The following DAG1 variants were observed in gnomAD, a reference collection of about 807,000 sequenced individuals.
The protein encoded by DAG1 is dystroglycan 1 (dystrophin-associated glycoprotein 1).
Under a neutral mutation model 46.1 loss-of-function variants are expected in DAG1, and 8 were observed. That is an observed-to-expected ratio of 0.17 (90% CI 0.10 to 0.31). The LOEUF (loss-of-function observed/expected upper bound fraction) is 0.31, where lower values mean the gene tolerates loss of function less well. Among genes scored for constraint, DAG1 ranks in the 10% least tolerant of loss-of-function variants. The probability of loss-of-function intolerance (pLI) is 1.00; values close to 1 mark genes in which losing one functional copy is unlikely to be tolerated. For missense variants in DAG1, 1,003 were observed against 1,189.9 expected, an observed-to-expected ratio of 0.84 and a Z score of 2.31; for synonymous variants, 495 against 481.8, an observed-to-expected ratio of 1.03 and a Z score of -0.36.
intron 1 of DAG1, among the ~76,000 whole-genome samples, chr3:49,502,167 A>G (rs547655707): frequency 6.6e-6 from 1 of 152,250 alleles, no homozygotes; most frequent in South Asian, 2.1e-4. Flanking sequence ...CAAAACAAAA[A>G]CTACACAGAA....
intron 1 of DAG1, among the ~76,000 whole-genome samples, chr3:49,502,600 A>G (rs565060955): frequency 6.6e-6 from 1 of 152,148 alleles, no homozygotes; most frequent in South Asian, 2.1e-4. Context: ...GAATCAATCA[A>G]ACTATATCGT....
chr3:49,469,662 G>A (rs1263682683), upstream of DAG1, among the ~76,000 whole-genome samples: 2 of 152,210 alleles, frequency 1.3e-5, no homozygotes, highest in African/African-American at 4.8e-5. Flanking sequence ...TAGGAGATGA[G>A]CTAGCTTCCC....
intron 2 of DAG1, 66 bp from the exon 3 acceptor site, chr3:49,530,731 G>A (rs2051315122): frequency 6.2e-7 from 1 of 1,607,694 alleles, no homozygotes; most frequent in African/African-American, 1.3e-5. Context: ...CAGGTTAACT[G>A]TTGTGATCAT....
chr3:49,499,263 A>G (rs899667976), intron 1 of DAG1, among the ~76,000 whole-genome samples: 3 of 152,294 alleles, frequency 2.0e-5, no homozygotes, highest in Admixed American at 2.0e-4. Flanking sequence ...AGAGCCGGGT[A>G]CAGTGGCCTG....
chr3:49,493,830 G>A (rs1445540794), intron 1 of DAG1, among the ~76,000 whole-genome samples: 1 of 152,212 alleles, frequency 6.6e-6, no homozygotes. Flanking sequence ...GATGTGGTGG[G>A]CATCCCTGTC....
At chr3:49,500,238 C>T (rs566319975) in intron 1 of DAG1, among the ~76,000 whole-genome samples, 86 of 152,266 alleles carry the variant, frequency 5.6e-4, no homozygotes, top group Non-Finnish European at 9.6e-4. Flanking sequence ...GTCTTGAACT[C>T]CTGACCTCGT....
intron 1 of DAG1, among the ~76,000 whole-genome samples, chr3:49,509,938 A>G (rs184362142): frequency 6.6e-6 from 1 of 152,188 alleles, no homozygotes; most frequent in African/African-American, 2.4e-5. Context: ...CATGTTGGCC[A>G]GGCTGGTTTC....
At chr3:49,473,158 G>A (rs189602911) in intron 1 of DAG1, among the ~76,000 whole-genome samples, 1 of 152,010 alleles carries the variant, frequency 6.6e-6, no homozygotes, top group African/African-American at 2.4e-5. Context: ...GCTCACGCCC[G>A]TAATCCCAGC....
At chr3:49,526,112 A>G (rs1392523451) in intron 2 of DAG1, among the ~76,000 whole-genome samples, 1 of 152,102 alleles carries the variant, frequency 6.6e-6, no homozygotes, top group African/African-American at 2.4e-5. Flanking sequence ...CAGCCTCCCA[A>G]AGTACTAGGA....
intron 2 of DAG1, among the ~76,000 whole-genome samples, chr3:49,517,055 G>A (rs1238532716): frequency 6.9e-6 from 1 of 145,658 alleles, no homozygotes; most frequent in Non-Finnish European, 1.5e-5. Flanking sequence ...GTGCAGTGGT[G>A]CTATCTCGGC....
chr3:49,510,187 CA>C (rs1401551368), intron 1 of DAG1: 1 of 487,664 alleles, frequency 2.1e-6, no homozygotes, highest in Non-Finnish European at 3.6e-6. Context: ...ATTTTACATT[CA>C]TTTTTTATGA....
At chr3:49,508,825 G>C (rs577602506) in intron 1 of DAG1, among the ~76,000 whole-genome samples, 1 of 152,148 alleles carries the variant, frequency 6.6e-6, no homozygotes, top group Non-Finnish European at 1.5e-5. Flanking sequence ...CACTGCACCC[G>C]CCCGCCAGGC....
intron 1 of DAG1, among the ~76,000 whole-genome samples, chr3:49,508,697 G>A (rs1197013249): frequency 6.6e-6 from 1 of 151,472 alleles, no homozygotes; most frequent in Non-Finnish European, 1.5e-5. Flanking sequence ...ACCATGCCTG[G>A]CATGTATTTT....
chr3:49,530,355 G>A (rs2051305978), intron 2 of DAG1, among the ~76,000 whole-genome samples: 1 of 152,190 alleles, frequency 6.6e-6, no homozygotes, highest in African/African-American at 2.4e-5. Context: ...GAGCAAAGAT[G>A]TGGTGTCTGC....
At position 49,533,165 on chromosome 3, in the gene DAG1, C is replaced by T; in HGVS notation, c.2654C>T (p.Pro885Leu). 6.2e-7 allele frequency: 1 copy of T among 1,613,988 alleles called. No individual in the cohort carries two copies. Among genetic ancestry groups the T allele is most frequent in the Non-Finnish European group, 8.5e-7 (1 of 1,180,036 alleles). Residue 885 changes from proline to leucine, a missense_variant, in exon 3 of 3, where the codon CCA becomes CTA. By Grantham distance (98) the Pro-to-Leu change is moderately conservative. Transcript: ENST00000308775. ...GGCTCCCGTCCCAAGAACATGACCCCATACCGGTCACCTCCTCCCTATGTC... is the reference window on the plus strand; with the variant it reads ...GGCTCCCGTCCCAAGAACATGACCCTATACCGGTCACCTCCTCCCTATGTC... ...GKGSRPKNMT[P>L]YRSPPPYVPP is the part of the protein sequence containing the mutation.
chr3:49,489,955 C>G (rs1464985671), intron 1 of DAG1, among the ~76,000 whole-genome samples: 2 of 152,124 alleles, frequency 1.3e-5, no homozygotes. Context: ...ACAGAGCTTA[C>G]CTGCTGACTG....
intron 1 of DAG1, among the ~76,000 whole-genome samples, chr3:49,472,583 G>A (rs1475730590): frequency 1.3e-5 from 2 of 152,104 alleles, no homozygotes; most frequent in African/African-American, 2.4e-5. Flanking sequence ...CGAGGCGGGC[G>A]GATCACGAGG....
chr3:49,501,867 A>G (rs373048121), intron 1 of DAG1, among the ~76,000 whole-genome samples: 81 of 152,174 alleles, frequency 5.3e-4, no homozygotes, highest in African/African-American at 1.8e-3. Context: ...CCAGTAAAGA[A>G]AACACTATGC....
intron 1 of DAG1, among the ~76,000 whole-genome samples, chr3:49,487,949 G>A (rs1288509021): frequency 6.6e-6 from 1 of 151,904 alleles, no homozygotes; most frequent in Non-Finnish European, 1.5e-5. Context: ...TGATCTGCCC[G>A]CCTCGGCTTC....
Sources: gnomAD v4.1 joint callset for allele counts (sites outside exome capture counted in the v4.1 genomes callset) on GRCh38, gnomAD v4.1.1 for gene constraint, MANE v1.5 for transcripts, NCBI Gene and HGNC (gene_info 2026-07-23, HGNC 2026-07-21) for gene names.